PTPRD: variants seen among roughly 807,000 people sequenced by gnomAD.
PTPRD encodes receptor-type tyrosine-protein phosphatase delta.
A neutral mutation model predicts 214.5 loss-of-function variants in PTPRD; 34 were observed. That is an observed-to-expected ratio of 0.16 (90% confidence interval 0.12 to 0.21). PTPRD has a LOEUF of 0.21. PTPRD is among the 10% of genes least tolerant of loss of function. The probability of loss-of-function intolerance (pLI) is 1.00; values close to 1 mark genes in which losing one functional copy is unlikely to be tolerated. For synonymous variants in PTPRD, 1,128 were observed against 845.7 expected (o/e 1.33, Z -5.79); for missense variants, 2,545 against 2,398.7 (o/e 1.06, Z -1.27).
rs2099953369 is a variant in PTPRD, at chr9:9,217,945, G to A, written c.-202-34582C>T. On this transcript the variant is annotated intron_variant, in intron 9 of 45. Coordinates refer to ENST00000381196, the MANE Select transcript of PTPRD (RefSeq NM_002839.4). ...TTTATCTATGGCGTGCAATAGTTCT[G>A]TCTTCATGTTGCTAACAAAGCATGT... Among the ~76,000 whole-genome samples the A allele has an allele frequency of 2.6e-5, 4 of 152,182 alleles. 1 individual carries two copies. The South Asian group carries it at 8.3e-4, about 32-fold the overall frequency.
At chr9:8,372,469 G>C (rs1044918685) in intron 39 of PTPRD, among the ~76,000 whole-genome samples, 1 of 151,922 alleles carries the variant, frequency 6.6e-6, no homozygotes, top group African/African-American at 2.4e-5. Flanking sequence ...CCATTTTACA[G>C]GTGAAGAAAC....
chr9:8,449,871 G>GA, intron 33 of PTPRD, 34 bp from the exon 34 acceptor site: 1 of 1,597,182 alleles, frequency 6.3e-7, no homozygotes, highest in Non-Finnish European at 8.6e-7. Context: ...AAGAAGAAAA[G>GA]AAAAATCAAT....
At chr9:8,904,418 T>C (rs190532846) in intron 11 of PTPRD, among the ~76,000 whole-genome samples, 2 of 152,328 alleles carry the variant, frequency 1.3e-5, no homozygotes, top group African/African-American at 4.8e-5. Flanking sequence ...ATGCCTTTAA[T>C]TCAAGCATTT....
At chr9:9,935,960 C>T (rs1004369661) in intron 5 of PTPRD, among the ~76,000 whole-genome samples, 5 of 150,226 alleles carry the variant, frequency 3.3e-5, no homozygotes, top group Non-Finnish European at 5.9e-5. Flanking sequence ...CAAACCTGAC[C>T]AAAACAAGCA....
chr9:9,014,791 G>T (rs1285904409), intron 11 of PTPRD, among the ~76,000 whole-genome samples: 5 of 152,036 alleles, frequency 3.3e-5, no homozygotes, highest in African/African-American at 1.2e-4. Flanking sequence ...GTTTAGAAAG[G>T]GGTAGATTAT....
chr9:9,757,407 A>G (rs1370978181), intron 6 of PTPRD, among the ~76,000 whole-genome samples: 1 of 152,196 alleles, frequency 6.6e-6, no homozygotes, highest in African/African-American at 2.4e-5. Context: ...TTCATAAGCA[A>G]CTGAAAACAC....
At chr9:8,725,068 T>A (rs1004724746) in intron 12 of PTPRD, among the ~76,000 whole-genome samples, 1 of 152,220 alleles carries the variant, frequency 6.6e-6, no homozygotes, top group African/African-American at 2.4e-5. Context: ...ACTGTCATTA[T>A]GTAATATATT....
chr9:10,208,013 T>C (rs2099492672), intron 3 of PTPRD, among the ~76,000 whole-genome samples: 1 of 152,172 alleles, frequency 6.6e-6, no homozygotes, highest in South Asian at 2.1e-4. Context: ...GACCTGCACA[T>C]ACACAACATA....
At chr9:10,556,794 G>A (rs1196253777) in intron 2 of PTPRD, among the ~76,000 whole-genome samples, 1 of 152,038 alleles carries the variant, frequency 6.6e-6, no homozygotes, top group Non-Finnish European at 1.5e-5. Context: ...TGTACTGCGG[G>A]AAGATGGATT....
chr9:8,340,988 A>G, intron 41 of PTPRD, 102 bp downstream of exon 41: 4 of 1,234,142 alleles, frequency 3.2e-6, no homozygotes, highest in Non-Finnish European at 4.5e-6. Flanking sequence ...CCTATGCAGA[A>G]AGAAAATGTC....
chr9:9,343,492 TC>T (rs2047637179), intron 9 of PTPRD, among the ~76,000 whole-genome samples: 1 of 152,180 alleles, frequency 6.6e-6, no homozygotes, highest in Non-Finnish European at 1.5e-5. Flanking sequence ...GAGCTTTTTT[TC>T]ATATGTTTGT....
At chr9:8,720,689 T>C (rs1338269374) in intron 12 of PTPRD, among the ~76,000 whole-genome samples, 2 of 151,858 alleles carry the variant, frequency 1.3e-5, no homozygotes, top group African/African-American at 4.9e-5. Context: ...ATTGATGTGT[T>C]TTTTTTTAAT....
chr9:10,364,745 C>T lies in PTPRD; in HGVS notation c.-599-23728G>A, dbSNP rs918444448. 2.6e-5 allele frequency among the ~76,000 whole-genome samples: 4 copies of T among 152,026 alleles called. No individual in the cohort carries two copies. In the South Asian group the frequency reaches 6.2e-4, roughly 24 times the overall value. ...CATGGTCTTTCTTCTCCATCATATC[C>T]CCTGGGTTCACATTAATTTTCACTG... On this transcript the variant is annotated intron_variant, in intron 2 of 45. Transcript: ENST00000381196.
chr9:9,688,204 T>C (rs2097199561), intron 7 of PTPRD, among the ~76,000 whole-genome samples: 1 of 151,894 alleles, frequency 6.6e-6, no homozygotes, highest in African/African-American at 2.4e-5. Flanking sequence ...TATAGCAGTG[T>C]ATAAACGGAC....
At chr9:8,433,859 A>C (rs548416501) in intron 35 of PTPRD, among the ~76,000 whole-genome samples, 2 of 152,326 alleles carry the variant, frequency 1.3e-5, no homozygotes, top group South Asian at 4.1e-4. Flanking sequence ...TAAAGTCTAC[A>C]GTAGTATACA....
At chr9:8,816,900 T>C (rs935349827) in intron 11 of PTPRD, among the ~76,000 whole-genome samples, 3 of 152,242 alleles carry the variant, frequency 2.0e-5, no homozygotes, top group African/African-American at 7.2e-5. Flanking sequence ...TCTTGCATCT[T>C]GCTGAATCTT....
chr9:8,362,397 C>G (rs1179940295), intron 39 of PTPRD, among the ~76,000 whole-genome samples: 2 of 152,128 alleles, frequency 1.3e-5, no homozygotes, highest in Admixed American at 6.5e-5. Flanking sequence ...CCAGGTCAAT[C>G]ATTTTCAGAC....
intron 14 of PTPRD, among the ~76,000 whole-genome samples, chr9:8,584,867 G>A (rs1483983150): frequency 1.3e-5 from 2 of 152,210 alleles, no homozygotes; most frequent in Non-Finnish European, 2.9e-5. Context: ...AAGCAAACAT[G>A]TCCTTCTTCG....
intron 2 of PTPRD, among the ~76,000 whole-genome samples, chr9:10,486,369 G>A (rs530687438): frequency 6.6e-6 from 1 of 152,210 alleles, no homozygotes; most frequent in African/African-American, 2.4e-5. Context: ...AAGGTATAAG[G>A]AAGGGGTCCA....
Sources: gnomAD v4.1 joint callset for allele counts (sites outside exome capture counted in the v4.1 genomes callset) on GRCh38, gnomAD v4.1.1 for gene constraint, MANE v1.5 for transcripts, NCBI Gene and HGNC (gene_info 2026-07-23, HGNC 2026-07-21) for gene names.